The following ADGRF3 variants were observed in gnomAD, a reference collection of about 807,000 sequenced individuals.
ADGRF3 encodes the protein G protein-coupled receptor 113.
A neutral mutation model predicts 93.2 loss-of-function variants in ADGRF3; 85 were observed. The observed-to-expected ratio is 0.91, with a 90% CI of 0.77 to 1.09. The LOEUF is 1.09. Ranked by LOEUF, ADGRF3 falls within the 50% of genes least tolerant of loss-of-function variation. The probability of loss-of-function intolerance (pLI) is 0.00; values close to 1 mark genes in which losing one functional copy is unlikely to be tolerated. For synonymous variants in ADGRF3, 534 were observed against 532.5 expected (o/e 1.00, Z -0.04); for missense variants, 1,125 against 1,246.2 (o/e 0.90, Z 1.46).
At position 26,314,473 on chromosome 2, in the gene ADGRF3, C is replaced by A; in HGVS notation, c.869G>T (p.Cys290Phe). 1 of 1,614,024 alleles carries A rather than the reference C, an allele frequency of 6.2e-7. No homozygotes were observed. Among genetic ancestry groups the A allele is most frequent in the Non-Finnish European group, 8.5e-7 (1 of 1,179,906 alleles). ...ATSPGFQLSC[C>F]IPSTNLAYTA... is the part of the protein sequence containing the mutation. ...GTAGGCCAGGTTTGTGCTGGGGATGCAGCAGCTCAGCTGGAAGCCAGGGGA... is the reference window on the plus strand; with the variant it reads ...GTAGGCCAGGTTTGTGCTGGGGATGAAGCAGCTCAGCTGGAAGCCAGGGGA... Residue 290 changes from cysteine to phenylalanine, a missense_variant, in exon 6 of 14, where the codon TGC (cysteine) becomes TTC (phenylalanine). Transcript: ENST00000651242.
Position 26,316,376 on chromosome 2 carries a change from C to T in ADGRF3, c.398G>A (p.Cys133Tyr), listed in dbSNP as rs1674675812. The change falls in exon 4 of 14, where the codon TGC (cysteine) becomes TAC (tyrosine). Residue 133 changes from cysteine (C) to tyrosine (Y), a missense_variant. By Grantham distance (194) the Cys-to-Tyr change is radical. Coordinates refer to ENST00000651242, the MANE Select transcript of ADGRF3 (RefSeq NM_001321971.2). ...GCTTTGACAAGGAGGGTAATGGAGG[C>T]AGATGCTGGTGTTCCACTGGTAGCC... ...LSGYQWNTSI[C>Y]LHYPPCQSLH... The T allele has an allele frequency of 1.3e-6, 2 of 1,551,802 alleles. No homozygotes were observed. Among genetic ancestry groups the T allele is most frequent in the East Asian group, 4.9e-5 (2 of 40,930 alleles).
intron 1 of ADGRF3, among the ~76,000 whole-genome samples, chr2:26,338,785 A>G (rs1228320862): frequency 6.6e-6 from 1 of 151,956 alleles, no homozygotes; most frequent in Non-Finnish European, 1.5e-5. Flanking sequence ...TTGTATCTCC[A>G]TGTCCATCAT....
At chr2:26,313,685 C>A (rs924804260) in intron 7 of ADGRF3, 75 bp downstream of exon 7, 19 of 1,587,864 alleles carry the variant, frequency 1.2e-5, no homozygotes, top group Non-Finnish European at 1.6e-5. Flanking sequence ...AGGGCAGAGA[C>A]GTGCCATGCA....
chr2:26,316,334 G>T lies in ADGRF3; in HGVS notation c.440C>A (p.Pro147His). ...ATGGCTGAAGACAAGGCAGCCACAAGGCTGGTGGTTGTGGAGGCTTTGACA... is the reference window on the plus strand; with the variant it reads ...ATGGCTGAAGACAAGGCAGCCACAATGCTGGTGGTTGTGGAGGCTTTGACA... The part of the protein sequence containing the change: ...PPCQSLHNHQ[P>H]CGCLVFSHPE... Residue 147 changes from proline (P) to histidine (H), a missense_variant, in exon 4 of 14, where the codon CCT becomes CAT. Coordinates refer to ENST00000651242, the MANE Select transcript of ADGRF3 (RefSeq NM_001321971.2). 1.3e-6 allele frequency: 2 copies of T among 1,552,010 alleles called. No homozygotes were observed. The highest frequency in any genetic ancestry group is 1.7e-6 in the Non-Finnish European group (2 of 1,147,036).
Position 26,308,848 on chromosome 2 carries a change from G to GGC in ADGRF3, c.*236_*237dup. 2.0e-6 allele frequency: 1 copy of GGC among 512,556 alleles called. No homozygotes were observed. The highest frequency in any genetic ancestry group is 3.5e-6 in the Non-Finnish European group (1 of 288,776). The allele number at this position is 512,556 out of a possible 1,614,324, so 31.8% of individuals were successfully genotyped here. The stretch of plus-strand genomic sequence containing the variant: ...GTCGATTATTTCTGGAGCAAAGGCA[G>GGC]GCTTATTCATTAGGTGCCTTTAGCT... On this transcript the variant is annotated 3_prime_UTR_variant, in exon 14 of 14. Transcript: ENST00000651242.
At position 26,340,078 on chromosome 2, in the gene ADGRF3, A is replaced by G. The variant is rs370872158; in HGVS notation, c.114+6043T>C. Among the ~76,000 whole-genome samples, 65 of 152,358 alleles carry G rather than the reference A, an allele frequency of 4.3e-4. 1 individual carries two copies. The South Asian group carries it at 0.013, about 32-fold the overall frequency. ...TTCGCTCTTGTTAGACTCTGCAAGC[A>G]GTGAGCATCCCGACCTGTGTTCAAT... On this transcript the variant is annotated intron_variant, in intron 1 of 13. Transcript: ENST00000651242.
At chr2:26,342,672 T>A (rs1156981718) in intron 1 of ADGRF3, among the ~76,000 whole-genome samples, 2 of 152,220 alleles carry the variant, frequency 1.3e-5, no homozygotes, top group African/African-American at 2.4e-5. Context: ...CTTCAATGGA[T>A]GAAGAGGCAG....
In ADGRF3 at chr2:26,313,852, C is replaced by T. The variant is rs142282428; in HGVS notation, c.980G>A (p.Arg327His). 4.9e-5 allele frequency: 79 copies of T among 1,613,950 alleles called. No homozygotes were observed. Among genetic ancestry groups the T allele is most frequent in the African/African-American group, 1.5e-4 (11 of 75,034 alleles). ...GSQCFVLAVQ[R>H]CPMADTTYAC... ...GTACGTGGTGTCAGCCATCGGGCAGCGCTGAACAGCCAGCACAAAGCACTG... is the reference window on the plus strand; with the variant it reads ...GTACGTGGTGTCAGCCATCGGGCAGTGCTGAACAGCCAGCACAAAGCACTG... The change falls in exon 7 of 14, where the codon CGC (arginine) becomes CAC (histidine). Residue 327 changes from arginine (R) to histidine (H), a missense_variant. Physicochemically the swap from Arg to His is conservative, Grantham distance 29. Transcript: ENST00000651242.
intron 3 of ADGRF3, 97 bp from the exon 4 acceptor site, chr2:26,316,545 G>T: frequency 7.7e-7 from 1 of 1,297,922 alleles, no homozygotes; most frequent in Non-Finnish European, 1.1e-6. Context: ...CTTTAGGGCT[G>T]GGTATCTGGA....
At position 26,311,067 on chromosome 2, in the gene ADGRF3, C is replaced by T. The variant is rs759516913; in HGVS notation, c.2457G>A (p.Val819=). The T allele has an allele frequency of 2.6e-5, 41 of 1,607,754 alleles. No individual in the cohort carries two copies. The highest frequency in any genetic ancestry group is 3.3e-4 in the Middle Eastern group (2 of 6,076). ...CCAGTGGGCACAGGTAGCCCAGGAG[C>T]ACCATGAGGGGGAGAACTCGGTGCT... is the stretch of plus-strand genomic sequence containing the variant. ...LAKHRVLPLM[V]LLGYLCPLGL... Residue 819 remains valine, a synonymous_variant, in exon 10 of 14, where the codon GTG becomes GTA. Coordinates refer to ENST00000651242, the MANE Select transcript of ADGRF3 (RefSeq NM_001321971.2).
At chr2:26,324,639 C>T (rs1675343532) in intron 1 of ADGRF3, among the ~76,000 whole-genome samples, 1 of 152,188 alleles carries the variant, frequency 6.6e-6, no homozygotes, top group African/African-American at 2.4e-5. Context: ...CATGTCCCTG[C>T]AAAAGACATG....
intron 1 of ADGRF3, among the ~76,000 whole-genome samples, chr2:26,321,303 G>A (rs896158525): frequency 2.6e-5 from 4 of 152,184 alleles, no homozygotes; most frequent in African/African-American, 9.7e-5. Context: ...GAACCAGAGA[G>A]AGAAGTGAGA....
At chr2:26,323,633 GT>G (rs71399383) in intron 1 of ADGRF3, among the ~76,000 whole-genome samples, 6,546 of 138,770 alleles carry the variant, frequency 0.047, 432 homozygotes, top group African/African-American at 0.16. Context: ...TTCTGTGTTT[GT>G]TTTTTTTTTT....
At chr2:26,343,695 G>A (rs1676525423) in intron 1 of ADGRF3, among the ~76,000 whole-genome samples, 1 of 152,248 alleles carries the variant, frequency 6.6e-6, no homozygotes, top group African/African-American at 2.4e-5. Context: ...CGCCCGACTC[G>A]GCCTTCCAAA....
At position 26,315,560 on chromosome 2, in the gene ADGRF3, G is replaced by A. The variant is rs752803249; in HGVS notation, c.680C>T (p.Ala227Val). 1.8e-5 allele frequency: 28 copies of A among 1,551,384 alleles called. No individual in the cohort carries two copies. The East Asian group carries it at 6.8e-4, about 38-fold the overall frequency. The change falls in exon 5 of 14, where the codon GCT (alanine) becomes GTT (valine). Residue 227 changes from alanine (A) to valine (V), a missense_variant. Physicochemically the swap from Ala to Val is moderately conservative, Grantham distance 64. Coordinates refer to ENST00000651242, the MANE Select transcript of ADGRF3 (RefSeq NM_001321971.2). ...QVSVTSSHGQ[A>V]ALSVSNMSHH... ...GGACATGTTGGAGACGCTGAGGGCA[G>A]CCTGGCCGTGGCTGGAAGTCACAGA... is the stretch of plus-strand genomic sequence containing the variant.
chr2:26,329,889 T>G (rs1675665598), intron 1 of ADGRF3, among the ~76,000 whole-genome samples: 1 of 152,212 alleles, frequency 6.6e-6, no homozygotes, highest in African/African-American at 2.4e-5. Context: ...TTTAGATAAT[T>G]CCAACATCTT....
chr2:26,324,837 C>T (rs60756214), intron 1 of ADGRF3, among the ~76,000 whole-genome samples: 6,910 of 152,210 alleles, frequency 0.045, 267 homozygotes, highest in African/African-American at 0.1. Flanking sequence ...GGGTATAGAC[C>T]CAGTAATGGG....
rs1558382635 is a variant in ADGRF3 at position 26,313,203 on chromosome 2, G to A, written c.1270-81C>T. The stretch of plus-strand genomic sequence containing the variant: ...AGAGCATCCCAGACCCATGGAGATT[G>A]TTGACCCCCAGAAGCCCTCTCACTC... On this transcript the variant is annotated intron_variant, in intron 8 of 13. Coordinates refer to ENST00000651242, the MANE Select transcript of ADGRF3 (RefSeq NM_001321971.2). 14 of 1,544,300 alleles carry A rather than the reference G, an allele frequency of 9.1e-6. No individual in the cohort carries two copies. In the East Asian group the frequency reaches 1.1e-4, roughly 12 times the overall value.
In ADGRF3 at chr2:26,311,711, C is replaced by T. The variant is rs751810582; in HGVS notation, c.1813G>A (p.Gly605Arg). The change falls in exon 10 of 14, where the codon GGG becomes AGG. Residue 605 changes from glycine to arginine, a missense_variant. Coordinates refer to ENST00000651242, the MANE Select transcript of ADGRF3 (RefSeq NM_001321971.2). ...GTGGCATAGAGGGAATCCCCCAGCC[C>T]TTGTCCATAGTTTGAGGGCAGAAGG... is the stretch of plus-strand genomic sequence containing the variant. ...DHLLPSNYGQ[G>R]LGDSLYATPG... 1 of 1,613,476 alleles carries T rather than the reference C, an allele frequency of 6.2e-7. No individual in the cohort carries two copies. Among genetic ancestry groups the T allele is most frequent in the Admixed American group, 1.7e-5 (1 of 59,962 alleles).
Sources: gnomAD v4.1 joint callset for allele counts (sites outside exome capture counted in the v4.1 genomes callset) on GRCh38, gnomAD v4.1.1 for gene constraint, MANE v1.5 for transcripts, NCBI Gene and HGNC (gene_info 2026-07-23, HGNC 2026-07-21) for gene names.